Variants in CCDC148 observed in about 807,000 individuals in gnomAD.
CCDC148 encodes the protein coiled-coil domain containing 148.
A neutral mutation model predicts 85.7 loss-of-function variants in CCDC148; 89 were observed. The ratio of observed to expected loss-of-function variants is 1.04; its 90% CI spans 0.87 to 1.24. The LOEUF (loss-of-function observed/expected upper bound fraction) is 1.24, where lower values mean the gene tolerates loss of function less well. Ranked by LOEUF, CCDC148 falls within the 50% of genes most tolerant of loss-of-function variation. The pLI is 0.00. For synonymous variants in CCDC148, 230 were observed against 213.9 expected (o/e 1.08, Z -0.66); for missense variants, 692 against 671.7 (o/e 1.03, Z -0.33).
intron 9 of CCDC148, among the ~76,000 whole-genome samples, chr2:158,296,341 G>C (rs2105194371): frequency 6.6e-6 from 1 of 152,130 alleles, no homozygotes; most frequent in East Asian, 1.9e-4. Context: ...TTTCTTCATT[G>C]AACTGACTGC....
chr2:158,174,650 C>T (rs1349194984), intron 13 of CCDC148, among the ~76,000 whole-genome samples: 2 of 151,956 alleles, frequency 1.3e-5, no homozygotes, highest in Non-Finnish European at 2.9e-5. Context: ...TGATATAGGC[C>T]ATTGCTCCTA....
chr2:158,282,325 A>G (rs1371541300), intron 9 of CCDC148, among the ~76,000 whole-genome samples: 2 of 152,244 alleles, frequency 1.3e-5, no homozygotes, highest in Non-Finnish European at 2.9e-5. Flanking sequence ...TTAGGAAAAG[A>G]GGAAGTCAAA....
chr2:158,275,630 G>A (rs915553947), intron 9 of CCDC148, among the ~76,000 whole-genome samples: 1 of 151,594 alleles, frequency 6.6e-6, no homozygotes, highest in Non-Finnish European at 1.5e-5. Flanking sequence ...TATCATCAAA[G>A]TATATTCTTT....
At chr2:158,442,375 C>T (rs550560802) in intron 1 of CCDC148, among the ~76,000 whole-genome samples, 2 of 152,180 alleles carry the variant, frequency 1.3e-5, no homozygotes, top group South Asian at 4.1e-4. Context: ...AATTCTTGGG[C>T]TTTTTTCTAA....
intron 2 of CCDC148, among the ~76,000 whole-genome samples, chr2:158,351,902 A>C (rs1683323373): frequency 6.7e-6 from 1 of 149,118 alleles, no homozygotes; most frequent in Admixed American, 6.6e-5. Context: ...CTGCCTCCTC[A>C]AGTGGGTCCC....
At chr2:158,205,249 G>C (rs940992994) in intron 11 of CCDC148, among the ~76,000 whole-genome samples, 3 of 152,180 alleles carry the variant, frequency 2.0e-5, no homozygotes, top group Non-Finnish European at 4.4e-5. Context: ...GGCTGTAGGA[G>C]TGGGGAGTAA....
chr2:158,324,968 C>A (rs1692697588), intron 7 of CCDC148, among the ~76,000 whole-genome samples: 1 of 151,862 alleles, frequency 6.6e-6, no homozygotes, highest in African/African-American at 2.4e-5. Context: ...TACTAAATCC[C>A]AACTCTCCTT....
chr2:158,350,103 G>A lies in CCDC148; in HGVS notation c.148-4785C>T, dbSNP rs143691936. Among the ~76,000 whole-genome samples, 9 of 152,252 alleles carry A rather than the reference G, an allele frequency of 5.9e-5. No homozygotes were observed. In the East Asian group the frequency reaches 9.6e-4, roughly 16 times the overall value. ...ATGTTATTTAAAATGCCAGTTGAAC[G>A]TGAGCATCTGTTTAACCGCACAAAT... On this transcript the variant is annotated intron_variant, in intron 2 of 13. Coordinates refer to ENST00000283233, the MANE Select transcript of CCDC148 (RefSeq NM_138803.4).
At chr2:158,216,201 G>A (rs1296840286) in intron 11 of CCDC148, among the ~76,000 whole-genome samples, 2 of 151,946 alleles carry the variant, frequency 1.3e-5, no homozygotes, top group Admixed American at 6.6e-5. Flanking sequence ...AAAAGCAATG[G>A]CTTTTAGAGA....
At chr2:158,263,886 G>A (rs1689343782) in intron 9 of CCDC148, among the ~76,000 whole-genome samples, 1 of 151,478 alleles carries the variant, frequency 6.6e-6, no homozygotes, top group South Asian at 2.1e-4. Context: ...AGTACATAAT[G>A]TAAATATACA....
In CCDC148 at chr2:158,333,923, C is replaced by T. The variant is rs960132498; in HGVS notation, c.764+4803G>A. ...TGCCTATCTGGGTCTTTCATCTTTC[C>T]ACATCAAGTTTACAATCAGCTAGCC... On this transcript the variant is annotated intron_variant, in intron 7 of 13. Transcript: ENST00000283233. Among the ~76,000 whole-genome samples, 5 of 152,164 alleles carry T rather than the reference C, an allele frequency of 3.3e-5. No homozygotes were observed. In the East Asian group the frequency reaches 9.7e-4, roughly 29 times the overall value.
chr2:158,365,363 T>C (rs1019885977), intron 1 of CCDC148, among the ~76,000 whole-genome samples: 15 of 152,184 alleles, frequency 9.9e-5, no homozygotes, highest in Non-Finnish European at 1.9e-4. Flanking sequence ...ACACATATGT[T>C]TATTGTGGCA....
intron 10 of CCDC148, among the ~76,000 whole-genome samples, chr2:158,244,273 CGTT>C (rs1385707361): frequency 1.3e-5 from 2 of 151,936 alleles, no homozygotes; most frequent in African/African-American, 4.8e-5. Flanking sequence ...TTTTTTAAAT[CGTT>C]GTTGTATAAA....
rs184214371 is a variant in CCDC148, at chr2:158,229,169, A to C, written c.1252-8456T>G. 1.5e-3 allele frequency among the ~76,000 whole-genome samples: 232 copies of C among 152,142 alleles called. 2 individuals are homozygous for C. The highest frequency in any genetic ancestry group is 5.1e-3 in the African/African-American group (212 of 41,516). On this transcript the variant is annotated intron_variant, in intron 10 of 13. Transcript: ENST00000283233. ...TCTAGGGAACTTCCTCTTCCTCCAG[A>C]ATTCTATTATCATTGAAAACAGTTC...
At chr2:158,231,599 T>G (rs146468408) in intron 10 of CCDC148, among the ~76,000 whole-genome samples, 158 of 152,230 alleles carry the variant, frequency 1.0e-3, no homozygotes, top group Admixed American at 2.6e-3. Flanking sequence ...TCCCTCTCCC[T>G]CTCCTCCAGA....
At chr2:158,222,437 T>C (rs1687235199) in intron 10 of CCDC148, among the ~76,000 whole-genome samples, 1 of 152,252 alleles carries the variant, frequency 6.6e-6, no homozygotes, top group East Asian at 1.9e-4. Flanking sequence ...CAGGCATTGC[T>C]ATAGTATAAG....
intron 7 of CCDC148, among the ~76,000 whole-genome samples, chr2:158,325,719 C>T (rs773011140): frequency 2.6e-5 from 4 of 152,150 alleles, no homozygotes; most frequent in East Asian, 1.9e-4. Flanking sequence ...GCTTCACATA[C>T]GGTGTTCCCC....
chr2:158,360,104 T>G (rs953904091), intron 1 of CCDC148, among the ~76,000 whole-genome samples: 1 of 152,220 alleles, frequency 6.6e-6, no homozygotes, highest in South Asian at 2.1e-4. Context: ...GCAAATCTGC[T>G]GTAGACAGAC....
intron 11 of CCDC148, among the ~76,000 whole-genome samples, chr2:158,184,196 T>C (rs920034475): frequency 2.6e-5 from 4 of 151,822 alleles, no homozygotes; most frequent in Non-Finnish European, 5.9e-5. Context: ...CAGATTGGCA[T>C]GAGGCAAGAA....
Sources: gnomAD v4.1 joint callset for allele counts (sites outside exome capture counted in the v4.1 genomes callset) on GRCh38, gnomAD v4.1.1 for gene constraint, MANE v1.5 for transcripts, NCBI Gene and HGNC (gene_info 2026-07-23, HGNC 2026-07-21) for gene names.